The following CDH18 variants were observed in gnomAD, a reference collection of about 807,000 sequenced individuals.
CDH18 encodes cadherin-18.
A neutral mutation model predicts 67.9 loss-of-function variants in CDH18; 31 were observed. The ratio of observed to expected loss-of-function variants is 0.46; its 90% CI spans 0.34 to 0.62. The LOEUF is 0.62. Among genes scored for constraint, CDH18 ranks in the 20% least tolerant of loss-of-function variants. CDH18 has a pLI of 0.01. For synonymous variants in CDH18, 362 were observed against 347.2 expected, an observed-to-expected ratio of 1.04 and a Z score of -0.48; for missense variants, 890 against 975.5, an observed-to-expected ratio of 0.91 and a Z score of 1.17.
At chr5:20,545,305 GC>G (rs946613131) in intron 1 of CDH18, among the ~76,000 whole-genome samples, 1 of 152,138 alleles carries the variant, frequency 6.6e-6, no homozygotes, top group African/African-American at 2.4e-5. Context: ...AGAATGGTGG[GC>G]CTCTTCTCAC....
chr5:20,397,782 C>A (rs1480457616), intron 1 of CDH18, among the ~76,000 whole-genome samples: 1 of 152,024 alleles, frequency 6.6e-6, no homozygotes, highest in East Asian at 1.9e-4. Context: ...ACATAAAAAA[C>A]TATTAATGTG....
chr5:20,431,873 C>T (rs577645827), intron 1 of CDH18, among the ~76,000 whole-genome samples: 1 of 152,228 alleles, frequency 6.6e-6, no homozygotes, highest in Non-Finnish European at 1.5e-5. Flanking sequence ...GTACATAAAG[C>T]GATGTGTAGT....
chr5:19,597,922 G>A (rs529449025), intron 6 of CDH18, among the ~76,000 whole-genome samples: 1 of 152,138 alleles, frequency 6.6e-6, no homozygotes, highest in African/African-American at 2.4e-5. Context: ...AATTTGAGAT[G>A]TAACTAAGAT....
intron 6 of CDH18, among the ~76,000 whole-genome samples, chr5:19,596,294 T>A (rs1746150982): frequency 6.6e-6 from 1 of 152,208 alleles, no homozygotes; most frequent in South Asian, 2.1e-4. Flanking sequence ...CTTGAAAATA[T>A]CATGATGTTC....
chr5:20,344,059 G>A (rs1411985351), intron 1 of CDH18, among the ~76,000 whole-genome samples: 3 of 152,100 alleles, frequency 2.0e-5, no homozygotes, highest in Non-Finnish European at 2.9e-5. Context: ...GAAATAGAAT[G>A]AGCCATCTCT....
chr5:20,195,316 T>C (rs1294175877), intron 2 of CDH18, among the ~76,000 whole-genome samples: 2 of 152,052 alleles, frequency 1.3e-5, no homozygotes, highest in Non-Finnish European at 1.5e-5. Context: ...ATTCATATTA[T>C]CCATATTTAT....
At chr5:20,465,430 TA>T (rs1439316283) in intron 1 of CDH18, among the ~76,000 whole-genome samples, 1 of 152,058 alleles carries the variant, frequency 6.6e-6, no homozygotes, top group Non-Finnish European at 1.5e-5. Flanking sequence ...ATACAGAAAG[TA>T]TTTTGTTCCA....
chr5:19,947,585 CAAAAAAAAA>C (rs35601486), intron 2 of CDH18, among the ~76,000 whole-genome samples: 48 of 53,314 alleles, frequency 9.0e-4, no homozygotes, highest in African/African-American at 2.0e-3. Flanking sequence ...TACTAAAATA[CAAAAAAAAA>C]AAAAAAAAAA....
chr5:20,510,437 T>C (rs2126481908), intron 1 of CDH18, among the ~76,000 whole-genome samples: 1 of 152,322 alleles, frequency 6.6e-6, no homozygotes, highest in East Asian at 1.9e-4. Context: ...CATTACAAAT[T>C]ACGGGATTTC....
intron 2 of CDH18, among the ~76,000 whole-genome samples, chr5:19,902,236 G>A (rs1191356994): frequency 2.0e-5 from 3 of 152,144 alleles, no homozygotes; most frequent in African/African-American, 7.2e-5. Context: ...CACTGAGATG[G>A]TCGAGATTCA....
intron 5 of CDH18, among the ~76,000 whole-genome samples, chr5:19,682,988 G>A (rs1024499617): frequency 2.0e-5 from 3 of 151,826 alleles, no homozygotes; most frequent in African/African-American, 7.3e-5. Flanking sequence ...ATACTTTACT[G>A]CTTTGAAAGT....
chr5:20,021,859 T>C (rs1024970373), intron 2 of CDH18, among the ~76,000 whole-genome samples: 3 of 152,176 alleles, frequency 2.0e-5, no homozygotes, highest in Admixed American at 6.5e-5. Flanking sequence ...AATAATATCA[T>C]AGGAATTTGG....
intron 2 of CDH18, among the ~76,000 whole-genome samples, chr5:20,203,436 C>A (rs571777325): frequency 4.4e-4 from 67 of 152,230 alleles, no homozygotes; most frequent in African/African-American, 1.4e-3. Context: ...CACTAGCCAG[C>A]TTTACAACAC....
intron 1 of CDH18, among the ~76,000 whole-genome samples, chr5:20,534,719 T>G (rs2126565676): frequency 6.6e-6 from 1 of 152,226 alleles, no homozygotes; most frequent in South Asian, 2.1e-4. Context: ...CATTGTGCTT[T>G]TATTTTTCTT....
intron 2 of CDH18, among the ~76,000 whole-genome samples, chr5:20,239,133 A>G (rs990397639): frequency 1.3e-5 from 2 of 152,164 alleles, no homozygotes; most frequent in Non-Finnish European, 2.9e-5. Flanking sequence ...GGGAAAAAAC[A>G]GTATATACTG....
At chr5:20,480,818 C>A (rs1264249127) in intron 1 of CDH18, among the ~76,000 whole-genome samples, 1 of 152,044 alleles carries the variant, frequency 6.6e-6, no homozygotes, top group Non-Finnish European at 1.5e-5. Flanking sequence ...TTGCAAACCT[C>A]ATGGTAACCT....
intron 1 of CDH18, among the ~76,000 whole-genome samples, chr5:20,295,395 T>C (rs917948657): frequency 6.6e-6 from 1 of 151,838 alleles, no homozygotes; most frequent in Non-Finnish European, 1.5e-5. Flanking sequence ...GAAAAGAAAA[T>C]GATTATCAAA....
At chr5:20,079,812 A>ACTAT (rs1342998486) in intron 2 of CDH18, among the ~76,000 whole-genome samples, 2 of 152,162 alleles carry the variant, frequency 1.3e-5, no homozygotes, top group East Asian at 3.9e-4. Flanking sequence ...AGAGCTGGGA[A>ACTAT]GTCCAAGATT....
intron 2 of CDH18, among the ~76,000 whole-genome samples, chr5:20,008,148 T>C (rs1737076080): frequency 6.6e-6 from 1 of 152,080 alleles, no homozygotes; most frequent in African/African-American, 2.4e-5. Flanking sequence ...ACATCTTGTG[T>C]GTGTAGAGAT....
Sources: allele counts gnomAD v4.1 joint callset (sites outside exome capture counted in the v4.1 genomes callset), GRCh38; gene constraint gnomAD v4.1.1; transcripts MANE v1.5; gene names NCBI Gene and HGNC (gene_info 2026-07-23, HGNC 2026-07-21).